Variants in RAD51B observed in about 807,000 individuals in gnomAD.
RAD51B encodes DNA repair protein RAD51 homolog 2.
A neutral mutation model predicts 42.2 loss-of-function variants in RAD51B; 38 were observed. The ratio of observed to expected loss-of-function variants is 0.90; its 90% CI spans 0.70 to 1.18. The LOEUF (loss-of-function observed/expected upper bound fraction) is 1.18. Among genes scored for constraint, RAD51B ranks in the 50% most tolerant of loss-of-function variants. The pLI, the probability that RAD51B is intolerant of heterozygous loss-of-function variation, is 0.00. For missense variants in RAD51B, 373 were observed against 400.7 expected (o/e 0.93, Z 0.59); for synonymous variants, 154 against 145.2 (o/e 1.06, Z -0.43).
At chr14:68,398,993 G>A (rs2084006740) in intron 8 of RAD51B, among the ~76,000 whole-genome samples, 1 of 152,124 alleles carries the variant, frequency 6.6e-6, no homozygotes, top group African/African-American at 2.4e-5. Context: ...GATTCATCAG[G>A]TTTGGGATGG....
chr14:68,207,900 A>G (rs183854722), intron 7 of RAD51B, among the ~76,000 whole-genome samples: 13 of 152,168 alleles, frequency 8.5e-5, no homozygotes, highest in Admixed American at 8.5e-4. Context: ...ACGTTAATTA[A>G]TGTTTAATGT....
intron 6 of RAD51B, chr14:67,886,480 G>A (rs1397688336): frequency 4.6e-6 from 1 of 218,094 alleles, no homozygotes; most frequent in Non-Finnish European, 9.2e-6. Context: ...CAGTGGGCAA[G>A]AGACCTTTGT....
At position 68,039,232 on chromosome 14, in the gene RAD51B, C is replaced by G. The variant is rs370037352; in HGVS notation, c.756+152028C>G. On this transcript the variant is annotated intron_variant, in intron 7 of 10. Transcript: ENST00000471583. ...ATCACAAGGTCAGGAGATCGAGAAC[C>G]ATCCTGGCCAACATGGTGAAACCCC... Among the ~76,000 whole-genome samples the G allele has an allele frequency of 5.9e-5, 9 of 151,988 alleles. 1 individual carries two copies. The highest frequency in any genetic ancestry group is 2.2e-4 in the African/African-American group (9 of 41,472).
intron 7 of RAD51B, among the ~76,000 whole-genome samples, chr14:68,015,644 C>T (rs2075767108): frequency 6.6e-6 from 1 of 152,152 alleles, no homozygotes; most frequent in East Asian, 1.9e-4. Context: ...AAAAACCTGT[C>T]CCCGTGATTC....
At chr14:68,099,008 C>A (rs192022974) in intron 7 of RAD51B, among the ~76,000 whole-genome samples, 1 of 152,172 alleles carries the variant, frequency 6.6e-6, no homozygotes, top group African/African-American at 2.4e-5. Context: ...TGTTAAACAT[C>A]AGCATTGTTT....
chr14:68,047,260 A>G (rs1158718354), intron 7 of RAD51B, among the ~76,000 whole-genome samples: 1 of 152,194 alleles, frequency 6.6e-6, no homozygotes, highest in East Asian at 1.9e-4. Context: ...AATGTTTATG[A>G]GAAGAAAAGT....
intron 11 of RAD51B, among the ~76,000 whole-genome samples, chr14:68,655,596 C>T (rs893694914): frequency 1.3e-5 from 2 of 152,172 alleles, no homozygotes; most frequent in African/African-American, 2.4e-5. Context: ...CTTGTGCAGC[C>T]GTGTACCCTC....
chr14:67,981,078 G>A (rs2075083854), intron 7 of RAD51B, among the ~76,000 whole-genome samples: 10 of 152,138 alleles, frequency 6.6e-5, no homozygotes, highest in Admixed American at 6.5e-4. Flanking sequence ...GATAGAGTAT[G>A]GTGGATTACA....
intron 7 of RAD51B, among the ~76,000 whole-genome samples, chr14:68,050,893 T>A (rs190985064): frequency 5.9e-4 from 89 of 152,034 alleles, no homozygotes; most frequent in African/African-American, 1.5e-3. Flanking sequence ...CCTTTTTTTT[T>A]ATTTATTTAT....
At chr14:68,319,394 C>T (rs2082118417) in intron 8 of RAD51B, among the ~76,000 whole-genome samples, 1 of 152,180 alleles carries the variant, frequency 6.6e-6, no homozygotes, top group Non-Finnish European at 1.5e-5. Context: ...GCCAAATCTG[C>T]AGTGCTTTGT....
rs1468138724 is a variant in RAD51B at position 68,374,492 on chromosome 14, CTG to C, written c.854-36931_854-36930del. Among the ~76,000 whole-genome samples the C allele has an allele frequency of 2.6e-5, 4 of 152,210 alleles. No individual in the cohort carries two copies. In the South Asian group the frequency reaches 8.3e-4, roughly 32 times the overall value. On this transcript the variant is annotated intron_variant, in intron 8 of 10. Transcript: ENST00000471583. Reference sequence around the variant, plus strand: ...ACTTCCTTTTCTTTCATTGGGAAAACTGAGGCAAAGTTTCCTTGGCAAAGATT... The same window carrying C: ...ACTTCCTTTTCTTTCATTGGGAAAACAGGCAAAGTTTCCTTGGCAAAGATT...
At chr14:67,960,108 G>A (rs1270333621) in intron 7 of RAD51B, among the ~76,000 whole-genome samples, 1 of 151,832 alleles carries the variant, frequency 6.6e-6, no homozygotes, top group African/African-American at 2.4e-5. Flanking sequence ...AAGTGTGTGT[G>A]TATGTTTGTG....
At chr14:68,314,107 G>C (rs970420949) in intron 8 of RAD51B, among the ~76,000 whole-genome samples, 8 of 152,144 alleles carry the variant, frequency 5.3e-5, no homozygotes, top group Non-Finnish European at 1.2e-4. Flanking sequence ...GCTTGGGGAG[G>C]GTTTGATCAG....
intron 7 of RAD51B, among the ~76,000 whole-genome samples, chr14:68,193,338 A>G (rs1295983701): frequency 2.6e-5 from 4 of 152,144 alleles, no homozygotes; most frequent in South Asian, 2.1e-4. Flanking sequence ...TTGCTGAAGC[A>G]CTTAGTTCAC....
At chr14:68,230,479 A>C (rs2080125911) in intron 7 of RAD51B, among the ~76,000 whole-genome samples, 1 of 152,160 alleles carries the variant, frequency 6.6e-6, no homozygotes, top group Admixed American at 6.5e-5. Context: ...TTATAAGCCT[A>C]CCTCTTAGCC....
chr14:68,242,002 G>C (rs2080398209), intron 7 of RAD51B, among the ~76,000 whole-genome samples: 1 of 152,204 alleles, frequency 6.6e-6, no homozygotes, highest in African/African-American at 2.4e-5. Flanking sequence ...TGCCAGATCA[G>C]TTTGTCTCAG....
chr14:67,920,336 T>TA (rs2044282145), intron 7 of RAD51B, among the ~76,000 whole-genome samples: 1 of 152,202 alleles, frequency 6.6e-6, no homozygotes, highest in African/African-American at 2.4e-5. Flanking sequence ...GGAGATTGAT[T>TA]AAAAAATACA....
At chr14:68,126,739 T>C (rs1216763849) in intron 7 of RAD51B, among the ~76,000 whole-genome samples, 1 of 152,206 alleles carries the variant, frequency 6.6e-6, no homozygotes, top group Non-Finnish European at 1.5e-5. Flanking sequence ...TTCTAACATA[T>C]ATGTTTTGAG....
chr14:68,374,429 CTT>C (rs35434629), intron 8 of RAD51B, among the ~76,000 whole-genome samples: 2 of 152,182 alleles, frequency 1.3e-5, no homozygotes, highest in South Asian at 4.1e-4. Context: ...GACTGTGAAA[CTT>C]TTGCTCTTCT....
Sources: allele counts gnomAD v4.1 joint callset (sites outside exome capture counted in the v4.1 genomes callset), GRCh38; gene constraint gnomAD v4.1.1; transcripts MANE v1.5; gene names NCBI Gene and HGNC (gene_info 2026-07-23, HGNC 2026-07-21).